GLCCI1: variants seen among roughly 807,000 people sequenced by gnomAD.
GLCCI1 encodes glucocorticoid induced 1, also known as glucocorticoid-induced transcript 1 protein.
In GLCCI1, 24 loss-of-function variants were observed where a neutral mutation model predicts 52.2. The ratio of observed to expected loss-of-function variants is 0.46; its 90% confidence interval spans 0.33 to 0.65. The LOEUF (loss-of-function observed/expected upper bound fraction) is 0.65, where lower values mean the gene tolerates loss of function less well. Among genes scored for constraint, GLCCI1 ranks in the 30% least tolerant of loss-of-function variants. The probability of loss-of-function intolerance (pLI) is 0.02; values close to 1 mark genes in which losing one functional copy is unlikely to be tolerated. For missense variants in GLCCI1, 704 were observed against 701.5 expected, an observed-to-expected ratio of 1.00 and a Z score of -0.04; for synonymous variants, 310 against 276.5, an observed-to-expected ratio of 1.12 and a Z score of -1.20.
intron 6 of GLCCI1, among the ~76,000 whole-genome samples, chr7:8,072,975 C>T (rs532675230): frequency 2.6e-5 from 4 of 152,144 alleles, no homozygotes; most frequent in Non-Finnish European, 5.9e-5. Flanking sequence ...GTTCACAGGT[C>T]TTCACTTACA....
chr7:8,013,721 C>T (rs1333934545), intron 2 of GLCCI1, among the ~76,000 whole-genome samples: 1 of 152,114 alleles, frequency 6.6e-6, no homozygotes. Flanking sequence ...TCTTGTTAAA[C>T]TTATATCTAA....
At chr7:8,059,601 G>A (rs1376372489) in intron 4 of GLCCI1, among the ~76,000 whole-genome samples, 1 of 152,058 alleles carries the variant, frequency 6.6e-6, no homozygotes. Context: ...TAATACTGTT[G>A]CCACATTACT....
At chr7:8,031,015 G>T (rs1781735995) in intron 3 of GLCCI1, among the ~76,000 whole-genome samples, 1 of 152,062 alleles carries the variant, frequency 6.6e-6, no homozygotes, top group Admixed American at 6.6e-5. Context: ...GCTACCATAT[G>T]ATCCAGCAAT....
At chr7:8,002,979 C>G (rs1275882446) in intron 1 of GLCCI1, among the ~76,000 whole-genome samples, 2 of 152,164 alleles carry the variant, frequency 1.3e-5, no homozygotes, top group African/African-American at 4.8e-5. Context: ...TTGTTTGCAT[C>G]TCTTGTTCAG....
At chr7:7,985,755 A>G (rs1428355641) in intron 1 of GLCCI1, among the ~76,000 whole-genome samples, 2 of 152,198 alleles carry the variant, frequency 1.3e-5, no homozygotes, top group Non-Finnish European at 1.5e-5. Flanking sequence ...TTAGATATAA[A>G]TCCTTTCTTC....
chr7:7,982,111 T>TATAGTAA, intron 1 of GLCCI1: 1 of 429,458 alleles, frequency 2.3e-6, no homozygotes, highest in South Asian at 1.9e-5. Flanking sequence ...GGAATGGCCA[T>TATAGTAA]TATAGTAATA....
intron 2 of GLCCI1, among the ~76,000 whole-genome samples, chr7:8,009,236 CA>C (rs1324699292): frequency 1.3e-5 from 2 of 152,064 alleles, no homozygotes; most frequent in African/African-American, 2.4e-5. Flanking sequence ...AATGTATTAC[CA>C]ACTCTTAAAA....
In GLCCI1 at chr7:8,088,686, A is replaced by G. The variant is rs1783171412; in HGVS notation, c.*2148A>G. On this transcript the variant is annotated 3_prime_UTR_variant, in exon 8 of 8. Coordinates refer to ENST00000223145, the MANE Select transcript of GLCCI1 (RefSeq NM_138426.4). ...ATATCAATTTCAGAAAAATGGACTGAATATGCTTTTTTGGTGATGAAATCT... is the reference window on the plus strand; with the variant it reads ...ATATCAATTTCAGAAAAATGGACTGGATATGCTTTTTTGGTGATGAAATCT... The G allele has an allele frequency of 1.3e-5, 2 of 152,650 alleles. No individual in the cohort carries two copies. The highest frequency in any genetic ancestry group is 1.3e-4 in the Admixed American group (2 of 15,276). 9.5% of individuals were successfully genotyped at this position (152,650 alleles called of 1,614,324 possible).
At chr7:8,017,334 A>C (rs77577328) in intron 2 of GLCCI1, among the ~76,000 whole-genome samples, 2,449 of 152,356 alleles carry the variant, frequency 0.016, 57 homozygotes, top group East Asian at 0.084. Context: ...GCTAGCAAGA[A>C]AAATGAGTGG....
chr7:7,998,613 C>T (rs556886366), intron 1 of GLCCI1, among the ~76,000 whole-genome samples: 1 of 152,148 alleles, frequency 6.6e-6, no homozygotes, highest in African/African-American at 2.4e-5. Flanking sequence ...CTATAGTGTA[C>T]TTTGTCTTTC....
At chr7:8,033,837 A>G (rs1215655434) in intron 3 of GLCCI1, among the ~76,000 whole-genome samples, 1 of 152,172 alleles carries the variant, frequency 6.6e-6, no homozygotes, top group East Asian at 1.9e-4. Context: ...TATAGATTCA[A>G]TGCAATTTCT....
chr7:7,998,375 C>A (rs1191957427), intron 1 of GLCCI1, among the ~76,000 whole-genome samples: 2 of 152,012 alleles, frequency 1.3e-5, no homozygotes, highest in African/African-American at 2.4e-5. Context: ...TCCACCACGC[C>A]CAGCTAATTT....
intron 4 of GLCCI1, among the ~76,000 whole-genome samples, chr7:8,058,065 G>A (rs1250910663): frequency 1.3e-5 from 2 of 152,044 alleles, no homozygotes; most frequent in African/African-American, 2.4e-5. Context: ...GTTGAATTAT[G>A]TTTATGATTG....
chr7:8,031,270 C>T (rs1471229097), intron 3 of GLCCI1, among the ~76,000 whole-genome samples: 6 of 152,040 alleles, frequency 3.9e-5, no homozygotes, highest in African/African-American at 7.2e-5. Context: ...GATGTCATTA[C>T]GTTAAGTGAA....
intron 6 of GLCCI1, among the ~76,000 whole-genome samples, chr7:8,080,173 C>T (rs946545488): frequency 6.6e-6 from 1 of 151,426 alleles, no homozygotes; most frequent in African/African-American, 2.5e-5. Context: ...TTTCATTAGG[C>T]CTTCAAACCC....
intron 6 of GLCCI1, chr7:8,078,604 C>G: frequency 6.6e-6 from 1 of 152,132 alleles, no homozygotes; most frequent in East Asian, 1.9e-4. Flanking sequence ...TTTTTTCCTA[C>G]ATGTCAGCAG....
intron 1 of GLCCI1, among the ~76,000 whole-genome samples, chr7:7,986,403 TA>T (rs1780731784): frequency 6.6e-6 from 1 of 151,832 alleles, no homozygotes; most frequent in Admixed American, 6.6e-5. Context: ...CAGGCACCTG[TA>T]GTCCCAGCTA....
At chr7:7,970,217 G>A (rs1442606041) in intron 1 of GLCCI1, among the ~76,000 whole-genome samples, 1 of 152,156 alleles carries the variant, frequency 6.6e-6, no homozygotes, top group East Asian at 1.9e-4. Context: ...AGTTCCTAAC[G>A]TGCCTGTAAC....
At chr7:8,038,190 A>G (rs1022516954) in intron 3 of GLCCI1, among the ~76,000 whole-genome samples, 4 of 152,200 alleles carry the variant, frequency 2.6e-5, no homozygotes, top group African/African-American at 9.6e-5. Flanking sequence ...TTAAATTAAT[A>G]TGGTTAAAAT....
Sources: gnomAD v4.1 joint callset for allele counts (sites outside exome capture counted in the v4.1 genomes callset) on GRCh38, gnomAD v4.1.1 for gene constraint, MANE v1.5 for transcripts, NCBI Gene and HGNC (gene_info 2026-07-23, HGNC 2026-07-21) for gene names.